Variants in VAMP4 observed in about 807,000 individuals in gnomAD.
VAMP4 encodes vesicle associated membrane protein 4, also known as vesicle-associated membrane protein 4.
Under a neutral mutation model 23.5 loss-of-function variants are expected in VAMP4, and 19 were observed. The ratio of observed to expected loss-of-function variants is 0.81; its 90% CI spans 0.56 to 1.19. VAMP4 has a LOEUF of 1.19. Among genes scored for constraint, VAMP4 ranks in the 50% most tolerant of loss-of-function variants. The probability of loss-of-function intolerance (pLI) is 0.00; values close to 1 mark genes in which losing one functional copy is unlikely to be tolerated. For missense variants in VAMP4, 145 were observed against 168.6 expected, an observed-to-expected ratio of 0.86 and a Z score of 0.78; for synonymous variants, 31 against 51.0, an observed-to-expected ratio of 0.61 and a Z score of 1.67.
intron 4 of VAMP4, among the ~76,000 whole-genome samples, chr1:171,714,904 T>C (rs1255272819): frequency 1.3e-5 from 2 of 152,186 alleles, no homozygotes; most frequent in East Asian, 1.9e-4. Context: ...AGGGATATAA[T>C]AGAAGGAAGC....
chr1:171,706,953 A>T (rs1654676879), intron 6 of VAMP4, among the ~76,000 whole-genome samples: 1 of 152,192 alleles, frequency 6.6e-6, no homozygotes, highest in Admixed American at 6.5e-5. Flanking sequence ...AATGTACATT[A>T]ATTTGCCCTG....
chr1:171,719,025 T>G (rs1395879569), intron 4 of VAMP4, 146 bp downstream of exon 4: 1 of 610,894 alleles, frequency 1.6e-6, no homozygotes, highest in Non-Finnish European at 2.8e-6. Context: ...ATCGATAATA[T>G]GAAAACAAAT....
At chr1:171,712,687 C>T (rs964617908) in intron 4 of VAMP4, among the ~76,000 whole-genome samples, 28 of 152,200 alleles carry the variant, frequency 1.8e-4, no homozygotes, top group Non-Finnish European at 2.4e-4. Context: ...ATCTCTAAGA[C>T]ATCTTGTTGC....
rs971652763 is a variant in VAMP4, at chr1:171,726,065, TG to T, written c.113+2458del. Among the ~76,000 whole-genome samples, 31 of 150,800 alleles carry T rather than the reference TG, an allele frequency of 2.1e-4. No homozygotes were observed. The East Asian group carries it at 3.5e-3, about 17-fold the overall frequency. ...CAACAAAAAAAGTCACATTTTTTTTTGGGGGGGGCGAAGTATCACTCTGTTG... is the reference window on the plus strand; with the variant it reads ...CAACAAAAAAAGTCACATTTTTTTTTGGGGGGGCGAAGTATCACTCTGTTG... On this transcript the variant is annotated intron_variant, in intron 3 of 7. Coordinates refer to ENST00000236192, the MANE Select transcript of VAMP4 (RefSeq NM_003762.5).
intron 4 of VAMP4, among the ~76,000 whole-genome samples, chr1:171,714,977 C>G (rs1654981431): frequency 1.3e-5 from 2 of 152,114 alleles, no homozygotes. Flanking sequence ...ATCAAGACCC[C>G]TGTGCTGAGT....
chr1:171,722,830 T>C (rs903632386), intron 3 of VAMP4, among the ~76,000 whole-genome samples: 4 of 138,562 alleles, frequency 2.9e-5, no homozygotes, highest in East Asian at 2.2e-4. Context: ...AGTTCAACCA[T>C]TGTGGAAGTC....
intron 2 of VAMP4, among the ~76,000 whole-genome samples, chr1:171,729,041 C>T (rs1655475309): frequency 6.6e-6 from 1 of 152,160 alleles, no homozygotes; most frequent in African/African-American, 2.4e-5. Flanking sequence ...TTTAGCTACT[C>T]TACCCACAAA....
Position 171,704,535 on chromosome 1 carries a change from C to T in VAMP4, c.398-1G>A. On this transcript the variant is annotated splice_acceptor_variant, in intron 7 of 7. Coordinates refer to ENST00000236192, the MANE Select transcript of VAMP4 (RefSeq NM_003762.5). LOFTEE classifies it high-confidence loss of function. Reference sequence around the variant, plus strand: ...GTACGGTATTTCATGACTATAAGAACTGTAAGAGAAAACATGAAAAAAGCA... The same window carrying T: ...GTACGGTATTTCATGACTATAAGAATTGTAAGAGAAAACATGAAAAAAGCA... 6.3e-7 allele frequency: 1 copy of T among 1,577,536 alleles called. No individual in the cohort carries two copies. The highest frequency in any genetic ancestry group is 8.6e-7 in the Non-Finnish European group (1 of 1,160,976).
intron 2 of VAMP4, among the ~76,000 whole-genome samples, chr1:171,738,021 G>A (rs1655797370): frequency 6.6e-6 from 1 of 152,258 alleles, no homozygotes; most frequent in East Asian, 1.9e-4. Flanking sequence ...TGTTGCTCAG[G>A]CTGGAGTGCA....
chr1:171,704,394 T>C lies in VAMP4; in HGVS notation c.*112A>G. 1 of 824,200 alleles carries C rather than the reference T, an allele frequency of 1.2e-6. No individual in the cohort carries two copies. The highest frequency in any genetic ancestry group is 1.7e-6 in the Non-Finnish European group (1 of 583,310). The allele number at this position is 824,200 out of a possible 1,614,324, so 51.1% of individuals were successfully genotyped here. ...ATTTGAAGTGATACTTGCCTCTTAG[T>C]TTCTTGAAAAAGAAGTTTTGAAAGT... On this transcript the variant is annotated 3_prime_UTR_variant, in exon 8 of 8. Coordinates refer to ENST00000236192, the MANE Select transcript of VAMP4 (RefSeq NM_003762.5).
intron 2 of VAMP4, among the ~76,000 whole-genome samples, chr1:171,733,468 AATG>A (rs1164984373): frequency 6.6e-6 from 1 of 152,076 alleles, no homozygotes; most frequent in African/African-American, 2.4e-5. Flanking sequence ...TCAAAATAAT[AATG>A]ATAATAGTAA....
At chr1:171,728,230 T>C (rs186130593) in intron 3 of VAMP4, among the ~76,000 whole-genome samples, 32 of 152,306 alleles carry the variant, frequency 2.1e-4, no homozygotes, top group Non-Finnish European at 4.1e-4. Context: ...ATATCCACAT[T>C]GTATATACTA....
chr1:171,728,860 G>T (rs777920846), intron 2 of VAMP4, among the ~76,000 whole-genome samples: 1 of 152,328 alleles, frequency 6.6e-6, no homozygotes, highest in East Asian at 1.9e-4. Flanking sequence ...TCAGGAGGGA[G>T]CAAGTCCCCT....
At chr1:171,725,932 C>T (rs1303525729) in intron 3 of VAMP4, among the ~76,000 whole-genome samples, 1 of 152,008 alleles carries the variant, frequency 6.6e-6, no homozygotes, top group African/African-American at 2.4e-5. Context: ...AGGTGATCCA[C>T]CTGCCTCGGT....
chr1:171,713,300 T>C (rs1397540285), intron 4 of VAMP4, among the ~76,000 whole-genome samples: 1 of 149,954 alleles, frequency 6.7e-6, no homozygotes, highest in Non-Finnish European at 1.5e-5. Flanking sequence ...TTTTTTTTTT[T>C]GTCATATGCA....
chr1:171,715,513 C>T (rs746898485), intron 4 of VAMP4, among the ~76,000 whole-genome samples: 2 of 152,132 alleles, frequency 1.3e-5, no homozygotes, highest in African/African-American at 2.4e-5. Flanking sequence ...TTGGAATTCA[C>T]CTTGGAAGCC....
intron 2 of VAMP4, among the ~76,000 whole-genome samples, chr1:171,734,749 T>C (rs1257906542): frequency 1.3e-5 from 2 of 152,102 alleles, no homozygotes; most frequent in African/African-American, 4.8e-5. Context: ...AAAAAGGAGT[T>C]CTCTTGAAAC....
At chr1:171,704,658 T>A in intron 7 of VAMP4, 124 bp from the exon 8 acceptor site, 1 of 622,884 alleles carries the variant, frequency 1.6e-6, no homozygotes, top group Non-Finnish European at 2.4e-6. Flanking sequence ...TGACTGAACT[T>A]TTATCTGAGG....
At chr1:171,715,213 C>A (rs192483980) in intron 4 of VAMP4, among the ~76,000 whole-genome samples, 1 of 152,024 alleles carries the variant, frequency 6.6e-6, no homozygotes, top group African/African-American at 2.4e-5. Context: ...AAATTAAGAA[C>A]GCAAAGGAAA....
Sources: allele counts gnomAD v4.1 joint callset (sites outside exome capture counted in the v4.1 genomes callset), GRCh38; gene constraint gnomAD v4.1.1; transcripts MANE v1.5; gene names NCBI Gene and HGNC (gene_info 2026-07-23, HGNC 2026-07-21).